The following PHF21A variants were observed in gnomAD, a reference collection of about 807,000 sequenced individuals.
PHF21A encodes the protein PHD finger protein 21A.
PHF21A carries 11 observed loss-of-function variants against 82.5 expected under a neutral mutation model. That is an observed-to-expected ratio of 0.13 (90% CI 0.08 to 0.22). PHF21A has a LOEUF of 0.22. Ranked by LOEUF, PHF21A falls within the 10% of genes least tolerant of loss-of-function variation. PHF21A has a pLI of 1.00. For synonymous variants in PHF21A, 297 were observed against 302.8 expected (o/e 0.98, Z 0.20); for missense variants, 579 against 837.8 (o/e 0.69, Z 3.81).
intron 6 of PHF21A, among the ~76,000 whole-genome samples, chr11:46,052,437 G>A (rs766431157): frequency 2.0e-5 from 3 of 151,942 alleles, no homozygotes; most frequent in Non-Finnish European, 2.9e-5. Flanking sequence ...TCACTGGAAA[G>A]CAGAAGAGTC....
intron 1 of PHF21A, among the ~76,000 whole-genome samples, chr11:46,093,049 C>A (rs1021455182): frequency 6.6e-6 from 1 of 152,186 alleles, no homozygotes; most frequent in East Asian, 1.9e-4. Flanking sequence ...AGCCACTGTG[C>A]CTGGCCACAT....
intron 18 of PHF21A, chr11:45,935,277 T>C: frequency 7.6e-7 from 1 of 1,309,114 alleles, no homozygotes; most frequent in Non-Finnish European, 1.0e-6. Flanking sequence ...GGACCTGGTC[T>C]GTGTCTGCTC....
intron 3 of PHF21A, among the ~76,000 whole-genome samples, chr11:46,089,505 C>T (rs2096898076): frequency 6.6e-6 from 1 of 152,020 alleles, no homozygotes; most frequent in Admixed American, 6.5e-5. Context: ...ATTTTCATCA[C>T]AGTGTTTCTT....
At chr11:46,048,954 T>C (rs2096300612) in intron 6 of PHF21A, among the ~76,000 whole-genome samples, 1 of 152,142 alleles carries the variant, frequency 6.6e-6, no homozygotes, top group Non-Finnish European at 1.5e-5. Flanking sequence ...CAGCAATGTC[T>C]GAGGAATAGA....
At chr11:46,007,899 G>T (rs185880006) in intron 6 of PHF21A, among the ~76,000 whole-genome samples, 23 of 152,176 alleles carry the variant, frequency 1.5e-4, no homozygotes, top group Admixed American at 4.6e-4. Flanking sequence ...AAAGGTACAG[G>T]ATCTATCACA....
chr11:45,965,215 G>C, intron 10 of PHF21A, 100 bp downstream of exon 10: 1 of 952,478 alleles, frequency 1.0e-6, no homozygotes, highest in South Asian at 1.6e-5. Context: ...ATGGTGGTGA[G>C]ATGAAGAGCC....
intron 1 of PHF21A, among the ~76,000 whole-genome samples, chr11:46,110,155 T>C (rs1226501994): frequency 6.6e-6 from 1 of 152,194 alleles, no homozygotes; most frequent in Non-Finnish European, 1.5e-5. Context: ...TACACAACTT[T>C]AGTAATATAA....
At chr11:46,051,982 A>T (rs1393564018) in intron 6 of PHF21A, among the ~76,000 whole-genome samples, 1 of 152,188 alleles carries the variant, frequency 6.6e-6, no homozygotes, top group African/African-American at 2.4e-5. Flanking sequence ...AATTCCAAAT[A>T]TAAGGTAGCC....
At chr11:46,103,015 G>A (rs2097114228) in intron 1 of PHF21A, among the ~76,000 whole-genome samples, 1 of 152,096 alleles carries the variant, frequency 6.6e-6, no homozygotes, top group African/African-American at 2.4e-5. Context: ...AGGCAACACA[G>A]GGAGTCTGGG....
chr11:46,084,414 A>C (rs1203618669), intron 3 of PHF21A, 112 bp from the exon 4 acceptor site: 3 of 441,260 alleles, frequency 6.8e-6, no homozygotes, highest in Non-Finnish European at 1.2e-5. Flanking sequence ...CAGGGCAAGA[A>C]ATTTCCCAAA....
intron 6 of PHF21A, chr11:46,049,431 C>T (rs1276152418): frequency 2.2e-6 from 1 of 456,184 alleles, no homozygotes; most frequent in Non-Finnish European, 4.4e-6. Flanking sequence ...CTAGCTTCAA[C>T]ACAGTGTATT....
intron 15 of PHF21A, among the ~76,000 whole-genome samples, chr11:45,940,563 A>G (rs1372935962): frequency 2.0e-5 from 3 of 152,214 alleles, no homozygotes; most frequent in Admixed American, 6.5e-5. Flanking sequence ...GTTCTAAAAT[A>G]TTACATGTGA....
At chr11:45,957,751 C>CAAAAAAAAAAAAAAAAAGAAAAAA (rs2092750679) in intron 10 of PHF21A, among the ~76,000 whole-genome samples, 2 of 60,894 alleles carry the variant, frequency 3.3e-5, no homozygotes, top group Non-Finnish European at 6.7e-5. Flanking sequence ...AAATTCAAAG[C>CAAAAAAAAAAAAAAAAAGAAAAAA]AAAAAAAAAA....
At position 46,112,299 on chromosome 11, in the gene PHF21A, T is replaced by C. The variant is rs569278923; in HGVS notation, c.-237+8636A>G. 2.6e-5 allele frequency among the ~76,000 whole-genome samples: 4 copies of C among 152,284 alleles called. No individual in the cohort carries two copies. The East Asian group carries it at 7.7e-4, about 29-fold the overall frequency. Reference sequence around the variant, plus strand: ...AGCCTGAGCTTCTGATCAAATTATATTGTAAAAAGAGAGGAAAAAAATGTG... The same window carrying C: ...AGCCTGAGCTTCTGATCAAATTATACTGTAAAAAGAGAGGAAAAAAATGTG... On this transcript the variant is annotated intron_variant, in intron 1 of 18. Transcript: ENST00000676320.
At chr11:46,105,151 C>T (rs1285205480) in intron 1 of PHF21A, among the ~76,000 whole-genome samples, 1 of 152,180 alleles carries the variant, frequency 6.6e-6, no homozygotes, top group Non-Finnish European at 1.5e-5. Flanking sequence ...TGGCCACAGT[C>T]AGAGCTAATA....
At chr11:46,079,274 A>G in intron 4 of PHF21A, 108 bp from the exon 5 acceptor site, 1 of 709,710 alleles carries the variant, frequency 1.4e-6, no homozygotes, top group South Asian at 2.0e-5. Context: ...CAAAAAAAAG[A>G]GCAACACCAC....
chr11:46,067,813 TTACAA>T (rs1207062147), intron 6 of PHF21A, among the ~76,000 whole-genome samples: 1 of 152,064 alleles, frequency 6.6e-6, no homozygotes, highest in Non-Finnish European at 1.5e-5. Flanking sequence ...TTACAAATAA[TTACAA>T]TACAACTTGA....
chr11:45,962,817 C>T (rs2093184548), intron 10 of PHF21A, among the ~76,000 whole-genome samples: 1 of 151,800 alleles, frequency 6.6e-6, no homozygotes, highest in Non-Finnish European at 1.5e-5. Flanking sequence ...GGCATGAACC[C>T]GGGAGGCGGA....
At chr11:45,946,673 C>A (rs924186641) in intron 14 of PHF21A, among the ~76,000 whole-genome samples, 1 of 152,154 alleles carries the variant, frequency 6.6e-6, no homozygotes, top group Non-Finnish European at 1.5e-5. Flanking sequence ...CCGCACCTGG[C>A]CGAATTTATT....
Sources: gnomAD v4.1 joint callset for allele counts (sites outside exome capture counted in the v4.1 genomes callset) on GRCh38, gnomAD v4.1.1 for gene constraint, MANE v1.5 for transcripts, NCBI Gene and HGNC (gene_info 2026-07-23, HGNC 2026-07-21) for gene names.